The following TRPC6 variants were observed in gnomAD, a reference collection of about 807,000 sequenced individuals.
TRPC6 encodes the protein short transient receptor potential channel 6.
TRPC6 carries 55 observed loss-of-function variants against 90.7 expected under a neutral mutation model. The observed-to-expected ratio is 0.61, with a 90% confidence interval of 0.49 to 0.76. The LOEUF is 0.76. TRPC6 is among the 30% of genes least tolerant of loss of function. TRPC6 has a pLI of 0.00. For synonymous variants in TRPC6, 393 were observed against 393.0 expected, an observed-to-expected ratio of 1.00 and a Z score of 0.00; for missense variants, 989 against 1,122.7, an observed-to-expected ratio of 0.88 and a Z score of 1.70.
intron 5 of TRPC6, among the ~76,000 whole-genome samples, chr11:101,482,704 T>C (rs1339767714): frequency 6.6e-6 from 1 of 152,216 alleles, no homozygotes; most frequent in Non-Finnish European, 1.5e-5. Flanking sequence ...TGATTGATAC[T>C]ACCCTGTTGG....
At chr11:101,574,668 G>C (rs769587448) in intron 1 of TRPC6, among the ~76,000 whole-genome samples, 3 of 145,360 alleles carry the variant, frequency 2.1e-5, no homozygotes, top group Non-Finnish European at 4.5e-5. Flanking sequence ...TACTGCCCAG[G>C]ATCAGCTTTT....
At chr11:101,520,926 G>T (rs1051515801) in intron 1 of TRPC6, among the ~76,000 whole-genome samples, 4 of 152,132 alleles carry the variant, frequency 2.6e-5, no homozygotes, top group African/African-American at 7.2e-5. Flanking sequence ...AACAGCATTT[G>T]CTCATATGCA....
intron 1 of TRPC6, among the ~76,000 whole-genome samples, chr11:101,561,649 T>C (rs1244665998): frequency 3.3e-5 from 5 of 152,000 alleles, no homozygotes; most frequent in Non-Finnish European, 7.4e-5. Flanking sequence ...CTTATTCCTC[T>C]CTCTTCTACT....
chr11:101,567,866 C>T (rs989927317), intron 1 of TRPC6, among the ~76,000 whole-genome samples: 3 of 152,174 alleles, frequency 2.0e-5, no homozygotes, highest in African/African-American at 7.2e-5. Context: ...TTCCAAAGGT[C>T]ATGGACTTCA....
chr11:101,482,983 T>C lies in TRPC6; in HGVS notation c.1476A>G (p.Ser492=), dbSNP rs764087766. ...AGGATATAATGAGCATCTCCATCCA[T>C]GAGAAGCAGGATGTTTTCATCCTGA... ...QLFRMKTSCF[S]WMEMLIISWV... Residue 492 remains serine (S), a synonymous_variant, in exon 5 of 13, where the codon TCA becomes TCG. Transcript: ENST00000344327. 1.1e-5 allele frequency: 18 copies of C among 1,613,882 alleles called. No individual in the cohort carries two copies. The South Asian group carries it at 1.9e-4, about 17-fold the overall frequency.
intron 1 of TRPC6, among the ~76,000 whole-genome samples, chr11:101,556,264 C>G (rs1861558413): frequency 6.6e-6 from 1 of 151,236 alleles, no homozygotes; most frequent in Admixed American, 6.6e-5. Context: ...TCCAAAAGAT[C>G]AACAAATGAA....
intron 2 of TRPC6, among the ~76,000 whole-genome samples, chr11:101,493,100 A>G (rs536512404): frequency 6.6e-6 from 1 of 152,024 alleles, no homozygotes; most frequent in Admixed American, 6.5e-5. Flanking sequence ...TCCTCCCTCT[A>G]TTTTCTTACA....
At chr11:101,489,542 G>T (rs1419667750) in intron 3 of TRPC6, among the ~76,000 whole-genome samples, 1 of 151,904 alleles carries the variant, frequency 6.6e-6, no homozygotes, top group East Asian at 1.9e-4. Flanking sequence ...TTTGTATATG[G>T]CTCTGTCTCT....
At chr11:101,453,757 A>G (rs374638980) in intron 11 of TRPC6, 32 bp from the exon 12 acceptor site, 7 of 1,592,628 alleles carry the variant, frequency 4.4e-6, no homozygotes, top group Non-Finnish European at 6.0e-6. Flanking sequence ...AATCTATGTC[A>G]GTTTCAGGTT....
chr11:101,518,841 T>G (rs918282799), intron 1 of TRPC6, among the ~76,000 whole-genome samples: 1 of 152,178 alleles, frequency 6.6e-6, no homozygotes, highest in African/African-American at 2.4e-5. Flanking sequence ...TTATACGCAA[T>G]GGAGGACTAG....
chr11:101,516,437 C>A (rs1860525130), intron 1 of TRPC6, among the ~76,000 whole-genome samples: 1 of 152,162 alleles, frequency 6.6e-6, no homozygotes, highest in Non-Finnish European at 1.5e-5. Context: ...CCTCTGTGTG[C>A]CTATTTAAAT....
Position 101,489,059 on chromosome 11 carries a change from A to C in TRPC6, c.1171T>G (p.Trp391Gly). ...PNCQQQLLSI[W>G]YENLSGLRQQ... ...CGTAAACCAGAAAGATTCTCATACC[A>C]AATGGAGAGAAGTTGCTGTTGGCAG... Residue 391 changes from tryptophan to glycine, a missense_variant, in exon 4 of 13, where the codon TGG becomes GGG. Physicochemically the swap from Trp to Gly is radical, Grantham distance 184. Around this residue, in one of 4 missense-constraint regions of TRPC6, gnomAD observed 486 missense variants for 591.9 expected, o/e 0.82. Coordinates refer to ENST00000344327, the MANE Select transcript of TRPC6 (RefSeq NM_004621.6). 6.2e-7 allele frequency: 1 copy of C among 1,614,172 alleles called. No individual in the cohort carries two copies. The highest frequency in any genetic ancestry group is 8.5e-7 in the Non-Finnish European group (1 of 1,180,006).
chr11:101,583,244 C>T, intron 1 of TRPC6, 90 bp downstream of exon 1: 2 of 1,489,452 alleles, frequency 1.3e-6, no homozygotes, highest in East Asian at 2.5e-5. Context: ...GGGTTCAGGA[C>T]GCGCGCGGAC....
Position 101,472,200 on chromosome 11 carries a change from C to T in TRPC6, c.2142G>A (p.Thr714=), listed in dbSNP as rs145077205. The T allele has an allele frequency of 3.8e-4, 605 of 1,612,778 alleles. No homozygotes were observed. In the African/African-American group the frequency reaches 7.2e-3, roughly 19 times the overall value. Residue 714 remains threonine, a synonymous_variant, in exon 8 of 13, where the codon ACG becomes ACA. Coordinates refer to ENST00000344327, the MANE Select transcript of TRPC6 (RefSeq NM_004621.6). ...ACATATTTAGCAAAACAATGACCAT[C>T]GTAACATTATAGACTCCATAAAGAA... ...GYVLYGVYNV[T]MVIVLLNMLI... is the part of the protein sequence containing the mutation.
chr11:101,581,388 G>A (rs1862193792), intron 1 of TRPC6, among the ~76,000 whole-genome samples: 1 of 152,114 alleles, frequency 6.6e-6, no homozygotes, highest in Non-Finnish European at 1.5e-5. Context: ...AGGACAACTT[G>A]GAATTATTAC....
At chr11:101,508,134 C>T (rs1251373259) in intron 1 of TRPC6, among the ~76,000 whole-genome samples, 3 of 151,940 alleles carry the variant, frequency 2.0e-5, no homozygotes, top group Admixed American at 2.0e-4. Context: ...ATTTTTTCTT[C>T]TCTCTCTGGG....
At chr11:101,481,707 T>A (rs1201819244) in intron 5 of TRPC6, among the ~76,000 whole-genome samples, 2 of 152,150 alleles carry the variant, frequency 1.3e-5, no homozygotes, top group Non-Finnish European at 2.9e-5. Context: ...CCAGGCCTCA[T>A]CCTCCTCGCA....
intron 2 of TRPC6, among the ~76,000 whole-genome samples, chr11:101,493,390 A>G (rs1859873327): frequency 6.6e-6 from 1 of 152,210 alleles, no homozygotes; most frequent in Admixed American, 6.5e-5. Context: ...AGCTTGAGCT[A>G]GAGCTTGTTG....
intron 1 of TRPC6, among the ~76,000 whole-genome samples, chr11:101,506,880 A>G (rs962114701): frequency 1.3e-5 from 2 of 151,902 alleles, no homozygotes; most frequent in African/African-American, 2.4e-5. Context: ...TTAGCTGGTT[A>G]TTTTATAATT....
Sources: allele counts gnomAD v4.1 joint callset (sites outside exome capture counted in the v4.1 genomes callset), GRCh38; gene constraint gnomAD v4.1.1; regional missense constraint gnomAD v4.1.1; transcripts MANE v1.5; gene names NCBI Gene and HGNC (gene_info 2026-07-23, HGNC 2026-07-21).